The following SPIDR variants were observed in gnomAD, a reference collection of about 807,000 sequenced individuals.
The protein encoded by SPIDR is scaffold protein involved in DNA repair.
In SPIDR, 93 loss-of-function variants were observed where a neutral mutation model predicts 104.6. The ratio of observed to expected loss-of-function variants is 0.89; its 90% CI spans 0.75 to 1.06. The LOEUF (loss-of-function observed/expected upper bound fraction) is 1.06, where lower values mean the gene tolerates loss of function less well. SPIDR is among the 50% of genes least tolerant of loss of function. SPIDR has a pLI of 0.00. For synonymous variants in SPIDR, 431 were observed against 416.9 expected, an observed-to-expected ratio of 1.03 and a Z score of -0.41; for missense variants, 1,154 against 1,111.2, an observed-to-expected ratio of 1.04 and a Z score of -0.55.
At chr8:47,406,091 C>CTTTTTTTTTTTTTTTTTTTTTTTTTTTT (rs548168516) in intron 6 of SPIDR, among the ~76,000 whole-genome samples, 1 of 135,126 alleles carries the variant, frequency 7.4e-6, no homozygotes. Context: ...TTCATTTTGC[C>CTTTTTTTTTTTTTTTTTTTTTTTTTTTT]TTTTTTTTTT....
intron 7 of SPIDR, among the ~76,000 whole-genome samples, chr8:47,428,293 G>A (rs1391221997): frequency 1.3e-5 from 2 of 150,176 alleles, no homozygotes; most frequent in South Asian, 2.1e-4. Context: ...GTGTAGATAC[G>A]TGGGTGTCTA....
At chr8:47,320,609 C>T (rs1554594344) in intron 5 of SPIDR, among the ~76,000 whole-genome samples, 1 of 152,192 alleles carries the variant, frequency 6.6e-6, no homozygotes, top group African/African-American at 2.4e-5. Context: ...AGGCCAGCAT[C>T]AGCCTGATAC....
chr8:47,501,416 G>C lies in SPIDR; in HGVS notation c.1097+60874G>C, dbSNP rs534891029. Among the ~76,000 whole-genome samples the C allele has an allele frequency of 1.1e-4, 17 of 152,176 alleles. No homozygotes were observed. The South Asian group carries it at 2.9e-3, about 26-fold the overall frequency. On this transcript the variant is annotated intron_variant, in intron 8 of 19. Transcript: ENST00000297423. ...TTCTCTTTGAAGCAATTGTGAATGG[G>C]AGTTCACTCATGATTTGGCTCTCTG...
intron 5 of SPIDR, among the ~76,000 whole-genome samples, chr8:47,335,577 A>T (rs561078169): frequency 2.0e-5 from 3 of 152,294 alleles, no homozygotes; most frequent in African/African-American, 7.2e-5. Context: ...CAGCCTCCCG[A>T]GTAGCTAGGA....
chr8:47,511,156 G>A (rs982876818), intron 8 of SPIDR: 1 of 1,556,880 alleles, frequency 6.4e-7, no homozygotes, highest in East Asian at 2.2e-5. Context: ...AGCCATGGCT[G>A]GCCGGGCATC....
chr8:47,389,751 C>G (rs1299051826), intron 5 of SPIDR, among the ~76,000 whole-genome samples: 1 of 149,334 alleles, frequency 6.7e-6, no homozygotes, highest in Non-Finnish European at 1.5e-5. Flanking sequence ...TACATTGGGT[C>G]ACCATGTGGC....
intron 16 of SPIDR, among the ~76,000 whole-genome samples, chr8:47,718,279 T>A (rs2082862689): frequency 6.6e-6 from 1 of 152,244 alleles, no homozygotes; most frequent in Non-Finnish European, 1.5e-5. Flanking sequence ...CATCCAATGC[T>A]GTTCCCAACT....
At chr8:47,401,663 A>G (rs2061906222) in intron 6 of SPIDR, among the ~76,000 whole-genome samples, 1 of 152,218 alleles carries the variant, frequency 6.6e-6, no homozygotes, top group South Asian at 2.1e-4. Context: ...GGAAAACAAA[A>G]AAAAAGCAGG....
Position 47,299,723 on chromosome 8 carries a change from C to T in SPIDR, c.525+5693C>T, listed in dbSNP as rs1173878447. Among the ~76,000 whole-genome samples, 8 of 152,224 alleles carry T rather than the reference C, an allele frequency of 5.3e-5. No individual in the cohort carries two copies. In the East Asian group the frequency reaches 1.2e-3, roughly 22 times the overall value. On this transcript the variant is annotated intron_variant, in intron 5 of 19. Coordinates refer to ENST00000297423, the MANE Select transcript of SPIDR (RefSeq NM_001080394.4). Reference sequence around the variant, plus strand: ...ATTGAGATAATTATGTGGTTTTACTCGTTGGTTCTGTTTATATGATGGATT... The same window carrying T: ...ATTGAGATAATTATGTGGTTTTACTTGTTGGTTCTGTTTATATGATGGATT...
chr8:47,558,420 C>T lies in SPIDR; in HGVS notation c.1098-37391C>T, dbSNP rs2091578800. 3.3e-5 allele frequency among the ~76,000 whole-genome samples: 5 copies of T among 152,128 alleles called. No homozygotes were observed. In the South Asian group the frequency reaches 8.3e-4, roughly 25 times the overall value. On this transcript the variant is annotated intron_variant, in intron 8 of 19. Transcript: ENST00000297423. ...TTTTAAACAGAGCTCTTTTCTTGAG[C>T]TTTGATAGGAATATTTATATCATAT...
chr8:47,514,667 GAC>G (rs1214221900), intron 8 of SPIDR, among the ~76,000 whole-genome samples: 1 of 152,026 alleles, frequency 6.6e-6, no homozygotes. Context: ...TGTTAGGAGA[GAC>G]ATAAAAAATA....
At chr8:47,509,841 G>A (rs917463601) in intron 8 of SPIDR, among the ~76,000 whole-genome samples, 4 of 151,982 alleles carry the variant, frequency 2.6e-5, no homozygotes, top group Admixed American at 2.0e-4. Context: ...GTGTGCATGC[G>A]TATAATATGA....
intron 16 of SPIDR, among the ~76,000 whole-genome samples, chr8:47,722,964 G>T (rs547387458): frequency 6.6e-6 from 1 of 152,032 alleles, no homozygotes; most frequent in Non-Finnish European, 1.5e-5. Flanking sequence ...TCAGCCTCCC[G>T]AGTAACTAGG....
intron 2 of SPIDR, among the ~76,000 whole-genome samples, chr8:47,283,054 C>T (rs1277315185): frequency 3.9e-5 from 6 of 152,084 alleles, no homozygotes; most frequent in South Asian, 2.1e-4. Context: ...TGGGGTTTCA[C>T]CATGTGGGTC....
At chr8:47,647,584 A>T (rs892824591) in intron 10 of SPIDR, among the ~76,000 whole-genome samples, 1 of 146,144 alleles carries the variant, frequency 6.8e-6, no homozygotes, top group African/African-American at 2.6e-5. Context: ...ACTGCACTCT[A>T]GCCTGGGTGA....
intron 8 of SPIDR, among the ~76,000 whole-genome samples, chr8:47,452,646 T>A (rs1358429796): frequency 6.6e-6 from 1 of 152,134 alleles, no homozygotes; most frequent in African/African-American, 2.4e-5. Flanking sequence ...GAAAAGGCCT[T>A]TGACAAAATT....
chr8:47,451,299 G>A (rs1289507988), intron 8 of SPIDR, among the ~76,000 whole-genome samples: 5 of 152,154 alleles, frequency 3.3e-5, no homozygotes, highest in African/African-American at 9.7e-5. Context: ...ACACACTAGA[G>A]ATTGGGTGTG....
intron 5 of SPIDR, among the ~76,000 whole-genome samples, chr8:47,363,547 A>G (rs1587719661): frequency 6.7e-6 from 1 of 149,694 alleles, no homozygotes; most frequent in Non-Finnish European, 1.5e-5. Context: ...CAGACTCTTC[A>G]CTCTCCTAGT....
intron 8 of SPIDR, among the ~76,000 whole-genome samples, chr8:47,590,831 T>G (rs2060920783): frequency 6.6e-6 from 1 of 152,210 alleles, no homozygotes; most frequent in African/African-American, 2.4e-5. Flanking sequence ...CTATGTTGTT[T>G]GTTGCAGATA....
Sources: gnomAD v4.1 joint callset for allele counts (sites outside exome capture counted in the v4.1 genomes callset) on GRCh38, gnomAD v4.1.1 for gene constraint, MANE v1.5 for transcripts, NCBI Gene and HGNC (gene_info 2026-07-23, HGNC 2026-07-21) for gene names.